PTPRD: variants seen among roughly 807,000 people sequenced by gnomAD.
The protein encoded by PTPRD is protein tyrosine phosphatase receptor type D, also known as receptor-type tyrosine-protein phosphatase delta.
In PTPRD, 34 loss-of-function variants were observed where a neutral mutation model predicts 214.5. That is an observed-to-expected ratio of 0.16 (90% CI 0.12 to 0.21). PTPRD has a LOEUF of 0.21. PTPRD is among the 10% of genes least tolerant of loss of function. The pLI is 1.00. For synonymous variants in PTPRD, 1,128 were observed against 845.7 expected (o/e 1.33, Z -5.79); for missense variants, 2,545 against 2,398.7 (o/e 1.06, Z -1.27).
At chr9:8,574,206 G>A (rs921899016) in intron 14 of PTPRD, among the ~76,000 whole-genome samples, 1 of 151,916 alleles carries the variant, frequency 6.6e-6, no homozygotes, top group African/African-American at 2.4e-5. Context: ...GAAGAAAATG[G>A]TAGTTGCTTC....
chr9:9,159,359 CA>C (rs1482453043), intron 10 of PTPRD, among the ~76,000 whole-genome samples: 1 of 152,086 alleles, frequency 6.6e-6, no homozygotes, highest in East Asian at 1.9e-4. Flanking sequence ...ACAAACTTAT[CA>C]TTGTTGCAGG....
In PTPRD at chr9:8,440,786, C is replaced by A. The variant is rs144705894; in HGVS notation, c.3989-4097G>T. 8.2e-3 allele frequency among the ~76,000 whole-genome samples: 1,249 copies of A among 152,272 alleles called. 8 individuals are homozygous for A. The highest frequency in any genetic ancestry group is 0.014 in the Non-Finnish European group (980 of 68,012). On this transcript the variant is annotated intron_variant, in intron 34 of 45. Transcript: ENST00000381196. ...TTTAATAGGGTACATATTGGTGAGA[C>A]TGATGTCACGGTGACTTCCTTATAA...
intron 3 of PTPRD, among the ~76,000 whole-genome samples, chr9:10,095,358 C>T (rs182317995): frequency 6.6e-6 from 1 of 151,516 alleles, no homozygotes; most frequent in East Asian, 2.0e-4. Flanking sequence ...GTCAGGAATC[C>T]ATAGTTGTTC....
At chr9:9,691,435 T>G (rs2097268412) in intron 7 of PTPRD, among the ~76,000 whole-genome samples, 1 of 152,066 alleles carries the variant, frequency 6.6e-6, no homozygotes, top group African/African-American at 2.4e-5. Context: ...TGACCTCCAG[T>G]TCTATCCATG....
At chr9:10,234,175 A>C (rs1263297629) in intron 3 of PTPRD, among the ~76,000 whole-genome samples, 1 of 151,734 alleles carries the variant, frequency 6.6e-6, no homozygotes, top group Non-Finnish European at 1.5e-5. Flanking sequence ...AATTGCTTGA[A>C]CCCGGGAGGC....
At chr9:10,047,071 G>A (rs570164656) in intron 3 of PTPRD, among the ~76,000 whole-genome samples, 1 of 151,798 alleles carries the variant, frequency 6.6e-6, no homozygotes, top group Admixed American at 6.6e-5. Flanking sequence ...GTATGACAAA[G>A]AATGATTTTT....
At position 8,759,368 on chromosome 9, in the gene PTPRD, T is replaced by C. The variant is rs1598922463; in HGVS notation, c.-103-25422A>G. On this transcript the variant is annotated intron_variant, in intron 11 of 45. Coordinates refer to ENST00000381196, the MANE Select transcript of PTPRD (RefSeq NM_002839.4). ...TGCCCGGCCTAATGTTATTTAATTG[T>C]AATTTTGATCTCTATTGTGTCTTGG... 5.9e-5 allele frequency among the ~76,000 whole-genome samples: 9 copies of C among 152,240 alleles called. No homozygotes were observed. The South Asian group carries it at 1.9e-3, about 32-fold the overall frequency.
intron 9 of PTPRD, among the ~76,000 whole-genome samples, chr9:9,381,342 T>A (rs2062157344): frequency 6.6e-6 from 1 of 151,884 alleles, no homozygotes; most frequent in Non-Finnish European, 1.5e-5. Flanking sequence ...CTCTCTTTTC[T>A]TAGTACATCA....
intron 9 of PTPRD, among the ~76,000 whole-genome samples, chr9:9,372,840 TGTAAA>T (rs1400391028): frequency 4.6e-5 from 7 of 152,116 alleles, no homozygotes; most frequent in Middle Eastern, 3.2e-3. Flanking sequence ...TTTGCTTGTT[TGTAAA>T]GTATTTTATT....
intron 5 of PTPRD, among the ~76,000 whole-genome samples, chr9:9,918,725 T>C (rs533159595): frequency 1.3e-5 from 2 of 151,906 alleles, no homozygotes; most frequent in South Asian, 2.1e-4. Flanking sequence ...ATAGAACCAA[T>C]AGAGAATGCA....
chr9:9,060,769 T>C (rs1170063112), intron 10 of PTPRD, among the ~76,000 whole-genome samples: 1 of 152,200 alleles, frequency 6.6e-6, no homozygotes, highest in African/African-American at 2.4e-5. Context: ...ACCTACTCAC[T>C]ATAATGGTTA....
intron 7 of PTPRD, among the ~76,000 whole-genome samples, chr9:9,688,879 G>T (rs1227600917): frequency 1.3e-5 from 2 of 151,360 alleles, no homozygotes; most frequent in African/African-American, 4.9e-5. Context: ...TTTTTTAAAT[G>T]ACTGATGATA....
At chr9:9,360,453 A>C (rs1452329333) in intron 9 of PTPRD, among the ~76,000 whole-genome samples, 1 of 151,210 alleles carries the variant, frequency 6.6e-6, no homozygotes, top group African/African-American at 2.4e-5. Context: ...CTTTTTCCTG[A>C]AAATAAATAT....
chr9:10,534,277 T>A (rs115519732), intron 2 of PTPRD, among the ~76,000 whole-genome samples: 2,552 of 152,074 alleles, frequency 0.017, 70 homozygotes, highest in African/African-American at 0.059. Flanking sequence ...GTTAAAAACT[T>A]AAAATACAGC....
At chr9:10,034,407 CTTTTTTTTTT>C (rs56827836) in intron 3 of PTPRD, among the ~76,000 whole-genome samples, 51 of 89,536 alleles carry the variant, frequency 5.7e-4, no homozygotes, top group African/African-American at 2.0e-3. Context: ...CCTGGCTCTA[CTTTTTTTTTT>C]TTTTTTTTTT....
chr9:9,062,541 G>A (rs1279236782), intron 10 of PTPRD, among the ~76,000 whole-genome samples: 1 of 146,046 alleles, frequency 6.8e-6, no homozygotes, highest in African/African-American at 2.5e-5. Context: ...TTCTATCTCT[G>A]CATCTCTCCA....
chr9:9,631,955 T>C (rs1410304821), intron 7 of PTPRD, among the ~76,000 whole-genome samples: 2 of 152,180 alleles, frequency 1.3e-5, no homozygotes, highest in Non-Finnish European at 2.9e-5. Context: ...CCAGGTGATA[T>C]AAAAAGTAAG....
At chr9:9,975,627 G>A (rs1440545296) in intron 4 of PTPRD, among the ~76,000 whole-genome samples, 1 of 152,134 alleles carries the variant, frequency 6.6e-6, no homozygotes, top group Non-Finnish European at 1.5e-5. Flanking sequence ...TAAAGTTTGT[G>A]ATGCAATGCT....
intron 5 of PTPRD, among the ~76,000 whole-genome samples, chr9:9,922,499 T>C (rs921004341): frequency 3.3e-5 from 5 of 151,908 alleles, no homozygotes; most frequent in African/African-American, 1.2e-4. Context: ...TCATCAGCAA[T>C]GGAAGCAAAA....
Sources: gnomAD v4.1 joint callset for allele counts (sites outside exome capture counted in the v4.1 genomes callset) on GRCh38, gnomAD v4.1.1 for gene constraint, MANE v1.5 for transcripts, NCBI Gene and HGNC (gene_info 2026-07-23, HGNC 2026-07-21) for gene names.